PPP2R2B: variants seen among roughly 807,000 people sequenced by gnomAD.
The protein encoded by PPP2R2B is protein phosphatase 2 regulatory subunit Bbeta.
A neutral mutation model predicts 46.0 loss-of-function variants in PPP2R2B; 5 were observed. The observed-to-expected ratio is 0.11, with a 90% CI of 0.06 to 0.23. The LOEUF (loss-of-function observed/expected upper bound fraction) is 0.23. Ranked by LOEUF, PPP2R2B falls within the 10% of genes least tolerant of loss-of-function variation. The pLI, the probability that PPP2R2B is intolerant of heterozygous loss-of-function variation, is 1.00. For missense variants in PPP2R2B, 367 were observed against 575.0 expected, an observed-to-expected ratio of 0.64 and a Z score of 3.70; for synonymous variants, 215 against 206.7, an observed-to-expected ratio of 1.04 and a Z score of -0.34.
intron 1 of PPP2R2B, among the ~76,000 whole-genome samples, chr5:146,911,119 T>A (rs1278092443): frequency 6.6e-6 from 1 of 151,990 alleles, no homozygotes; most frequent in Non-Finnish European, 1.5e-5. Context: ...AGTCTTGTTT[T>A]GTCCCCCAAG....
At chr5:146,856,582 T>C (rs1760684685) in intron 2 of PPP2R2B, 1 of 1,609,924 alleles carries the variant, frequency 6.2e-7, no homozygotes, top group East Asian at 2.2e-5. Context: ...CTCCCTTGGC[T>C]CCTGTGACAA....
intron 7 of PPP2R2B, among the ~76,000 whole-genome samples, chr5:146,606,592 G>T (rs904262786): frequency 1.6e-4 from 24 of 152,210 alleles, no homozygotes; most frequent in African/African-American, 5.8e-4. Context: ...CAATAGGGAA[G>T]GCAGCAGTAA....
chr5:146,861,209 C>A (rs1760976629), intron 2 of PPP2R2B, among the ~76,000 whole-genome samples: 1 of 151,946 alleles, frequency 6.6e-6, no homozygotes, highest in South Asian at 2.1e-4. Flanking sequence ...GTGCCCGCCA[C>A]CACGCCCGGC....
intron 1 of PPP2R2B, among the ~76,000 whole-genome samples, chr5:146,955,926 C>T (rs1751878578): frequency 6.6e-6 from 1 of 151,392 alleles, no homozygotes; most frequent in African/African-American, 2.4e-5. Context: ...TTACAGATGC[C>T]CACCACTGTG....
intron 2 of PPP2R2B, among the ~76,000 whole-genome samples, chr5:146,790,807 C>T (rs974857824): frequency 3.3e-5 from 5 of 152,256 alleles, no homozygotes; most frequent in East Asian, 1.9e-4. Flanking sequence ...TGTCCACATT[C>T]CATTTAGCAT....
intron 2 of PPP2R2B, among the ~76,000 whole-genome samples, chr5:146,864,434 C>T (rs971821157): frequency 2.7e-5 from 4 of 147,478 alleles, no homozygotes; most frequent in Non-Finnish European, 3.0e-5. Context: ...CACAGCTTTC[C>T]GAAATGTCAA....
At chr5:146,729,347 A>G (rs1235234768) in intron 2 of PPP2R2B, among the ~76,000 whole-genome samples, 1 of 152,240 alleles carries the variant, frequency 6.6e-6, no homozygotes, top group East Asian at 1.9e-4. Flanking sequence ...TGTTAAAGGC[A>G]TTTAGTTTTA....
At chr5:146,894,955 G>T (rs1216852408) in intron 1 of PPP2R2B, among the ~76,000 whole-genome samples, 1 of 152,112 alleles carries the variant, frequency 6.6e-6, no homozygotes, top group African/African-American at 2.4e-5. Context: ...TATGGTGCCG[G>T]CCCTAGAACT....
intron 6 of PPP2R2B, among the ~76,000 whole-genome samples, chr5:146,642,986 G>A (rs1188508456): frequency 6.6e-6 from 1 of 152,200 alleles, no homozygotes; most frequent in Admixed American, 6.5e-5. Context: ...GAGCCTGGGA[G>A]GTTGAGGCTG....
chr5:146,851,000 T>A (rs1760315387), intron 2 of PPP2R2B, among the ~76,000 whole-genome samples: 2 of 152,104 alleles, frequency 1.3e-5, no homozygotes, highest in Non-Finnish European at 2.9e-5. Context: ...ACCCCAAGGA[T>A]GAGTAAATAA....
Position 146,586,264 on chromosome 5 carries a change from A to G in PPP2R2B, c.*3683T>C, listed in dbSNP as rs1398012809. 3 of 152,290 alleles carry G rather than the reference A, an allele frequency of 2.0e-5. No individual in the cohort carries two copies. The highest frequency in any genetic ancestry group is 4.4e-5 in the Non-Finnish European group (3 of 68,116). 9.4% of individuals were successfully genotyped at this position (152,290 alleles called of 1,614,324 possible). ...TTAAAAACACACCGGCTTCATCCAC[A>G]CATTCATCACGGAAGAGGGAAAATT... On this transcript the variant is annotated 3_prime_UTR_variant, in exon 10 of 10. Transcript: ENST00000394411.
At chr5:146,766,219 T>C (rs191611836) in intron 2 of PPP2R2B, among the ~76,000 whole-genome samples, 48 of 152,304 alleles carry the variant, frequency 3.2e-4, no homozygotes, top group African/African-American at 1.0e-3. Flanking sequence ...TAGTCTTTGA[T>C]GTATTTTGCT....
At chr5:146,899,098 A>G (rs975937463) in intron 1 of PPP2R2B, among the ~76,000 whole-genome samples, 14 of 151,646 alleles carry the variant, frequency 9.2e-5, no homozygotes, top group African/African-American at 2.9e-4. Flanking sequence ...TAGAAATACC[A>G]TTTGACCCAG....
intron 2 of PPP2R2B, among the ~76,000 whole-genome samples, chr5:146,717,102 A>T (rs1472015855): frequency 6.6e-6 from 1 of 152,200 alleles, no homozygotes; most frequent in Non-Finnish European, 1.5e-5. Flanking sequence ...TTAAAGTCAC[A>T]CATGTTCCAT....
intron 2 of PPP2R2B, 97 bp downstream of exon 2, chr5:146,877,905 G>A: frequency 7.1e-7 from 1 of 1,407,696 alleles, no homozygotes; most frequent in Non-Finnish European, 9.7e-7. Flanking sequence ...AGGGCCCGGA[G>A]GAGTCTCCGC....
intron 2 of PPP2R2B, among the ~76,000 whole-genome samples, chr5:146,775,035 A>G (rs1561896997): frequency 6.6e-6 from 1 of 152,182 alleles, no homozygotes; most frequent in Non-Finnish European, 1.5e-5. Flanking sequence ...ATGTCTTCAC[A>G]GGTGAATTCT....
intron 1 of PPP2R2B, among the ~76,000 whole-genome samples, chr5:147,003,460 A>G (rs1754284699): frequency 6.6e-6 from 1 of 152,150 alleles, no homozygotes; most frequent in South Asian, 2.1e-4. Flanking sequence ...AGGTATATAG[A>G]TATCCTACAG....
chr5:147,024,153 C>CTCTATCTA (rs57080635), intron 1 of PPP2R2B, among the ~76,000 whole-genome samples: 31,079 of 145,434 alleles, frequency 0.21, 3,362 homozygotes, highest in East Asian at 0.31. Flanking sequence ...AAATCCCCTC[C>CTCTATCTA]TCTATCTATC....
intron 2 of PPP2R2B, among the ~76,000 whole-genome samples, chr5:146,747,257 C>T (rs1233895158): frequency 6.6e-6 from 1 of 152,136 alleles, no homozygotes; most frequent in Non-Finnish European, 1.5e-5. Flanking sequence ...ATCCTGGGGA[C>T]ATGGGTGTAG....
Sources: allele counts gnomAD v4.1 joint callset (sites outside exome capture counted in the v4.1 genomes callset), GRCh38; gene constraint gnomAD v4.1.1; transcripts MANE v1.5; gene names NCBI Gene and HGNC (gene_info 2026-07-23, HGNC 2026-07-21).